The following PDZRN4 variants were observed in gnomAD, a reference collection of about 807,000 sequenced individuals.
PDZRN4 encodes the protein PDZ domain containing ring finger 4.
Under a neutral mutation model 99.0 loss-of-function variants are expected in PDZRN4, and 70 were observed. The ratio of observed to expected loss-of-function variants is 0.71; its 90% CI spans 0.58 to 0.86. The LOEUF is 0.86. Ranked by LOEUF, PDZRN4 falls within the 40% of genes least tolerant of loss-of-function variation. The probability of loss-of-function intolerance (pLI) is 0.00; values close to 1 mark genes in which losing one functional copy is unlikely to be tolerated. For missense variants in PDZRN4, 1,474 were observed against 1,331.2 expected (o/e 1.11, Z -1.67); for synonymous variants, 551 against 501.6 (o/e 1.10, Z -1.32).
intron 3 of PDZRN4, among the ~76,000 whole-genome samples, chr12:41,263,919 C>T (rs1192417950): frequency 6.6e-6 from 1 of 152,138 alleles, no homozygotes; most frequent in Non-Finnish European, 1.5e-5. Context: ...CATCAACATG[C>T]TTTTACCTCT....
intron 3 of PDZRN4, among the ~76,000 whole-genome samples, chr12:41,466,879 G>A (rs1227378712): frequency 6.6e-6 from 1 of 151,316 alleles, no homozygotes; most frequent in South Asian, 2.1e-4. Context: ...ATCCCACTAT[G>A]CACAAAAGAG....
intron 3 of PDZRN4, among the ~76,000 whole-genome samples, chr12:41,276,414 G>C (rs1189778991): frequency 6.6e-6 from 1 of 152,042 alleles, no homozygotes; most frequent in African/African-American, 2.4e-5. Flanking sequence ...CCTGGCCTCA[G>C]ATAGATTCAG....
Position 41,247,384 on chromosome 12 carries a change from G to T in PDZRN4, c.843+53196G>T, listed in dbSNP as rs74077178. Among the ~76,000 whole-genome samples, 373 of 152,292 alleles carry T rather than the reference G, an allele frequency of 2.4e-3. 2 individuals carry two copies. The highest frequency in any genetic ancestry group is 8.8e-3 in the African/African-American group (366 of 41,564). ...TCACTGAATCACAATCTTTGAAAGT[G>T]TGGCTTCAGAATCTGTTTTAACAAG... On this transcript the variant is annotated intron_variant, in intron 3 of 9. Transcript: ENST00000402685.
chr12:41,393,538 G>T (rs1448225767), intron 3 of PDZRN4, among the ~76,000 whole-genome samples: 1 of 151,936 alleles, frequency 6.6e-6, no homozygotes, highest in Admixed American at 6.6e-5. Flanking sequence ...TTCTTATTAT[G>T]CATTGCTGTG....
chr12:41,324,282 T>C (rs138691207), intron 3 of PDZRN4, among the ~76,000 whole-genome samples: 7 of 152,016 alleles, frequency 4.6e-5, no homozygotes, highest in African/African-American at 1.7e-4. Flanking sequence ...AAAATATCTG[T>C]GCAAATTTCT....
chr12:41,200,316 G>A (rs1169258918), intron 3 of PDZRN4, among the ~76,000 whole-genome samples: 7 of 152,084 alleles, frequency 4.6e-5, no homozygotes, highest in East Asian at 1.9e-4. Context: ...TGTCACCCTA[G>A]ACAGTCCCTC....
chr12:41,402,013 G>A (rs1370961049), intron 3 of PDZRN4, among the ~76,000 whole-genome samples: 1 of 148,892 alleles, frequency 6.7e-6, no homozygotes, highest in Non-Finnish European at 1.5e-5. Flanking sequence ...CCCTATGGAT[G>A]TGGCGCTCCC....
intron 8 of PDZRN4, among the ~76,000 whole-genome samples, chr12:41,566,420 A>G (rs759802839): frequency 9.9e-5 from 15 of 152,206 alleles, no homozygotes; most frequent in Non-Finnish European, 1.8e-4. Context: ...TAAAATTTGA[A>G]CAATTATAAA....
At chr12:41,569,058 TC>T (rs1156570628) in intron 9 of PDZRN4, among the ~76,000 whole-genome samples, 4 of 151,722 alleles carry the variant, frequency 2.6e-5, no homozygotes, top group Non-Finnish European at 5.9e-5. Context: ...TGCCTCGGCC[TC>T]CCAAAGTTCT....
chr12:41,323,845 T>A (rs970480012), intron 3 of PDZRN4, among the ~76,000 whole-genome samples: 4 of 152,010 alleles, frequency 2.6e-5, no homozygotes, highest in African/African-American at 9.7e-5. Flanking sequence ...TGATTTATAT[T>A]AATTTTTTTA....
chr12:41,429,447 T>C (rs1952566888), intron 3 of PDZRN4, among the ~76,000 whole-genome samples: 1 of 152,234 alleles, frequency 6.6e-6, no homozygotes, highest in South Asian at 2.1e-4. Context: ...ACAGGGAACC[T>C]GGAAGTTAAT....
At chr12:41,496,215 G>A (rs1433842367) in intron 3 of PDZRN4, among the ~76,000 whole-genome samples, 5 of 152,018 alleles carry the variant, frequency 3.3e-5, no homozygotes, top group African/African-American at 1.2e-4. Context: ...CACTCAGTGC[G>A]AACTAGTATT....
intron 3 of PDZRN4, among the ~76,000 whole-genome samples, chr12:41,212,364 AT>A (rs1950894068): frequency 1.3e-5 from 2 of 151,764 alleles, no homozygotes; most frequent in Non-Finnish European, 1.5e-5. Context: ...TCAGAGGTAG[AT>A]TTTTTTCCCT....
At chr12:41,498,987 C>T (rs956445192) in intron 3 of PDZRN4, among the ~76,000 whole-genome samples, 5 of 151,906 alleles carry the variant, frequency 3.3e-5, no homozygotes, top group African/African-American at 9.7e-5. Context: ...ATAATCAAAG[C>T]GTTTAATTGA....
chr12:41,358,437 A>AT (rs1951943054), intron 3 of PDZRN4, among the ~76,000 whole-genome samples: 1 of 151,980 alleles, frequency 6.6e-6, no homozygotes, highest in Non-Finnish European at 1.5e-5. Context: ...GAAATTTTCA[A>AT]TGTGTCAAGA....
chr12:41,372,725 G>A (rs1952050610), intron 3 of PDZRN4, among the ~76,000 whole-genome samples: 1 of 152,164 alleles, frequency 6.6e-6, no homozygotes, highest in South Asian at 2.1e-4. Flanking sequence ...GTCTAGAGAA[G>A]AGGCTAAATC....
intron 3 of PDZRN4, among the ~76,000 whole-genome samples, chr12:41,309,642 A>T (rs941072993): frequency 6.6e-6 from 1 of 152,162 alleles, no homozygotes; most frequent in Admixed American, 6.5e-5. Flanking sequence ...CATGATAAAT[A>T]ACAGGTAAAG....
intron 3 of PDZRN4, among the ~76,000 whole-genome samples, chr12:41,418,531 T>C (rs1952463058): frequency 6.6e-6 from 1 of 152,192 alleles, no homozygotes; most frequent in Non-Finnish European, 1.5e-5. Flanking sequence ...TGTGTGATCA[T>C]GTTTTATGCA....
At chr12:41,199,699 T>C (rs1013490130) in intron 3 of PDZRN4, among the ~76,000 whole-genome samples, 1 of 152,058 alleles carries the variant, frequency 6.6e-6, no homozygotes, top group Non-Finnish European at 1.5e-5. Context: ...AAGAATGAAA[T>C]TGTGTGTTTT....
Sources: allele counts gnomAD v4.1 joint callset (sites outside exome capture counted in the v4.1 genomes callset), GRCh38; gene constraint gnomAD v4.1.1; transcripts MANE v1.5; gene names NCBI Gene and HGNC (gene_info 2026-07-23, HGNC 2026-07-21).